The following DTX4 variants were observed in gnomAD, a reference collection of about 807,000 sequenced individuals.
The protein encoded by DTX4 is E3 ubiquitin-protein ligase DTX4.
Under a neutral mutation model 57.6 loss-of-function variants are expected in DTX4, and 28 were observed. That is an observed-to-expected ratio of 0.49 (90% CI 0.36 to 0.67). The LOEUF (loss-of-function observed/expected upper bound fraction) is 0.67, where lower values mean the gene tolerates loss of function less well. Ranked by LOEUF, DTX4 falls within the 30% of genes least tolerant of loss-of-function variation. The probability of loss-of-function intolerance (pLI) is 0.00; values close to 1 mark genes in which losing one functional copy is unlikely to be tolerated. For missense variants in DTX4, 715 were observed against 836.8 expected, an observed-to-expected ratio of 0.85 and a Z score of 1.80; for synonymous variants, 316 against 331.0, an observed-to-expected ratio of 0.95 and a Z score of 0.49.
intron 1 of DTX4, among the ~76,000 whole-genome samples, chr11:59,179,055 A>G (rs1417734090): frequency 3.9e-5 from 6 of 152,164 alleles, no homozygotes; most frequent in Non-Finnish European, 2.9e-5. Context: ...GTTTAAAAAA[A>G]AAAAAAAAGT....
intron 7 of DTX4, among the ~76,000 whole-genome samples, chr11:59,197,741 G>C (rs975375981): frequency 6.6e-6 from 1 of 152,186 alleles, no homozygotes; most frequent in South Asian, 2.1e-4. Context: ...ATGGGGTCAG[G>C]TGAGACTTCT....
chr11:59,179,302 T>A (rs1486280437), intron 1 of DTX4, among the ~76,000 whole-genome samples: 2 of 152,086 alleles, frequency 1.3e-5, no homozygotes, highest in Non-Finnish European at 2.9e-5. Context: ...TAGGGGCAGG[T>A]CCCCAGTGAA....
At chr11:59,200,797 G>A (rs1862731716) in intron 8 of DTX4, among the ~76,000 whole-genome samples, 2 of 152,198 alleles carry the variant, frequency 1.3e-5, no homozygotes, top group Admixed American at 6.5e-5. Flanking sequence ...GATCTCAAAA[G>A]GAGTAGGAAC....
intron 5 of DTX4, 101 bp from the exon 6 acceptor site, chr11:59,191,997 A>G: frequency 7.3e-7 from 1 of 1,362,498 alleles, no homozygotes. Flanking sequence ...GTGTTTTAGA[A>G]GAGAAGTGGT....
chr11:59,190,526 GA>G (rs1236171353), intron 4 of DTX4, among the ~76,000 whole-genome samples: 1 of 152,074 alleles, frequency 6.6e-6, no homozygotes, highest in Non-Finnish European at 1.5e-5. Context: ...CCAGTCCCCT[GA>G]AAAAAATCCC....
In DTX4 at chr11:59,180,672, A is replaced by G. The variant is rs533507315; in HGVS notation, c.212-1067A>G. ...CCTGAGCTAGACATCTTTAGCCTTA[A>G]TGTTGACACCATGAAATGAGCCCTG... On this transcript the variant is annotated intron_variant, in intron 1 of 8. Transcript: ENST00000227451. Among the ~76,000 whole-genome samples the G allele has an allele frequency of 3.3e-5, 5 of 152,288 alleles. No homozygotes were observed. In the East Asian group the frequency reaches 9.6e-4, roughly 29 times the overall value.
At chr11:59,177,239 C>A (rs1204923998) in intron 1 of DTX4, among the ~76,000 whole-genome samples, 1 of 152,176 alleles carries the variant, frequency 6.6e-6, no homozygotes, top group Non-Finnish European at 1.5e-5. Context: ...CATTCACATG[C>A]AGATTCCCAT....
chr11:59,182,042 A>C lies in DTX4; in HGVS notation c.515A>C (p.Gln172Pro). Residue 172 changes from glutamine to proline, a missense_variant, in exon 2 of 9, where the codon CAG becomes CCG. Coordinates refer to ENST00000227451, the MANE Select transcript of DTX4 (RefSeq NM_015177.2). ...PMVTGTLPKA[Q>P]SWPVSPGPAT... Reference sequence around the variant, plus strand: ...GTCACAGGGACCTTGCCTAAGGCTCAGTCCTGGCCAGTCAGCCCTGGGCCA... The same window carrying C: ...GTCACAGGGACCTTGCCTAAGGCTCCGTCCTGGCCAGTCAGCCCTGGGCCA... The C allele has an allele frequency of 2.5e-6, 4 of 1,612,750 alleles. No individual in the cohort carries two copies. Among genetic ancestry groups the C allele is most frequent in the Non-Finnish European group, 3.4e-6 (4 of 1,179,052 alleles).
Position 59,195,322 on chromosome 11 carries a change from G to A in DTX4, c.1489G>A (p.Asp497Asn). 6.2e-7 allele frequency: 1 copy of A among 1,613,996 alleles called. No individual in the cohort carries two copies. Among genetic ancestry groups the A allele is most frequent in the Non-Finnish European group, 8.5e-7 (1 of 1,179,858 alleles). ...CCCCCACTCCTTGCCTGGCCACCCA[G>A]ACTGCAAAACCATCCGGATCATCTA... ...LIPHSLPGHP[D>N]CKTIRIIYSI... Residue 497 changes from aspartate to asparagine, a missense_variant, in exon 7 of 9, where the codon GAC becomes AAC. Transcript: ENST00000227451.
intron 5 of DTX4, 140 bp from the exon 6 acceptor site, chr11:59,191,957 TC>T: frequency 1.1e-6 from 1 of 890,546 alleles, no homozygotes; most frequent in Non-Finnish European, 1.7e-6. Flanking sequence ...ATATTTAGAT[TC>T]CAGAAAGCAC....
At position 59,182,069 on chromosome 11, in the gene DTX4, C is replaced by G; in HGVS notation, c.542C>G (p.Ala181Gly). The G allele has an allele frequency of 1.2e-6, 2 of 1,612,152 alleles. No individual in the cohort carries two copies. Among genetic ancestry groups the G allele is most frequent in the Non-Finnish European group, 1.7e-6 (2 of 1,178,758 alleles). ...AQSWPVSPGPATSPPMSPCSC... is the reference protein window; with the variant it reads ...AQSWPVSPGPGTSPPMSPCSC... ...TCCTGGCCAGTCAGCCCTGGGCCAG[C>G]CACCTCGCCCCCCATGTCCCCCTGC... Residue 181 changes from alanine to glycine, a missense_variant, in exon 2 of 9, where the codon GCC (alanine) becomes GGC (glycine). By Grantham distance (60) the Ala-to-Gly change is moderately conservative. Transcript: ENST00000227451.
At chr11:59,197,461 G>A (rs1175625889) in intron 7 of DTX4, among the ~76,000 whole-genome samples, 1 of 152,168 alleles carries the variant, frequency 6.6e-6, no homozygotes, top group Non-Finnish European at 1.5e-5. Flanking sequence ...AGAAGACTAG[G>A]CCGTGAGGGA....
chr11:59,195,314 G>A lies in DTX4; in HGVS notation c.1481G>A (p.Gly494Asp). ...CACCTCATCCCCCACTCCTTGCCTGGCCACCCAGACTGCAAAACCATCCGG... is the reference window on the plus strand; with the variant it reads ...CACCTCATCCCCCACTCCTTGCCTGACCACCCAGACTGCAAAACCATCCGG... ...EYHLIPHSLPGHPDCKTIRII... is the reference protein window; with the variant it reads ...EYHLIPHSLPDHPDCKTIRII... Residue 494 changes from glycine (G) to aspartate (D), a missense_variant, in exon 7 of 9, where the codon GGC (glycine) becomes GAC (aspartate). By Grantham distance (94) the Gly-to-Asp change is moderately conservative. Transcript: ENST00000227451. The A allele has an allele frequency of 1.2e-6, 2 of 1,613,848 alleles. No homozygotes were observed. Among genetic ancestry groups the A allele is most frequent in the Non-Finnish European group, 1.7e-6 (2 of 1,179,842 alleles).
intron 1 of DTX4, among the ~76,000 whole-genome samples, chr11:59,180,615 C>G (rs1332496122): frequency 6.6e-6 from 1 of 152,154 alleles, no homozygotes; most frequent in Non-Finnish European, 1.5e-5. Flanking sequence ...ATTCCAGCAT[C>G]CCAGGGGCCC....
At chr11:59,183,090 G>A (rs1257668631) in intron 2 of DTX4, among the ~76,000 whole-genome samples, 5 of 152,210 alleles carry the variant, frequency 3.3e-5, no homozygotes, top group African/African-American at 4.8e-5. Flanking sequence ...GAAGACAGTA[G>A]ATGTTCGCTT....
chr11:59,200,277 C>G (rs956702078), intron 8 of DTX4, among the ~76,000 whole-genome samples: 1 of 152,180 alleles, frequency 6.6e-6, no homozygotes, highest in Non-Finnish European at 1.5e-5. Flanking sequence ...CCCACTGGGT[C>G]CCTCCCACAG....
Position 59,207,585 on chromosome 11 carries a change from A to C in DTX4, c.*2676A>C, listed in dbSNP as rs1862829978. 6.5e-6 allele frequency: 1 copy of C among 152,680 alleles called. No homozygotes were observed. The highest frequency in any genetic ancestry group is 6.5e-5 in the Admixed American group (1 of 15,268). 9.5% of individuals were successfully genotyped at this position (152,680 alleles called of 1,614,324 possible). On this transcript the variant is annotated 3_prime_UTR_variant, in exon 9 of 9. Transcript: ENST00000227451. Reference sequence around the variant, plus strand: ...CCTGGAAAGGTGCAGTCTAGATTTCAGTGAGAACCCTGCCAGCTGAGCCCT... The same window carrying C: ...CCTGGAAAGGTGCAGTCTAGATTTCCGTGAGAACCCTGCCAGCTGAGCCCT...
At chr11:59,187,242 G>T (rs1862540021) in intron 2 of DTX4, among the ~76,000 whole-genome samples, 1 of 152,184 alleles carries the variant, frequency 6.6e-6, no homozygotes, top group Admixed American at 6.5e-5. Context: ...ATGGGCTCTG[G>T]TGCCAGATTT....
rs139849287 is a variant in DTX4, at chr11:59,184,489, A to G, written c.935+2027A>G. 1.6e-3 allele frequency among the ~76,000 whole-genome samples: 239 copies of G among 152,316 alleles called. 1 individual carries two copies. Among genetic ancestry groups the G allele is most frequent in the African/African-American group, 5.4e-3 (223 of 41,570 alleles). On this transcript the variant is annotated intron_variant, in intron 2 of 8. Transcript: ENST00000227451. ...GTCAGTATAGGCTGCTGTCATTGTG[A>G]TTGCTGTTATTATTGTTAACAGGTG...
Sources: allele counts gnomAD v4.1 joint callset (sites outside exome capture counted in the v4.1 genomes callset), GRCh38; gene constraint gnomAD v4.1.1; transcripts MANE v1.5; gene names NCBI Gene and HGNC (gene_info 2026-07-23, HGNC 2026-07-21).